The following RRP1B variants were observed in gnomAD, a reference collection of about 807,000 sequenced individuals.
RRP1B encodes ribosomal RNA processing protein 1 homolog B.
Under a neutral mutation model 80.2 loss-of-function variants are expected in RRP1B, and 56 were observed. That is an observed-to-expected ratio of 0.70 (90% CI 0.56 to 0.87). RRP1B has a LOEUF of 0.87. RRP1B is among the 40% of genes least tolerant of loss of function. The probability of loss-of-function intolerance (pLI) is 0.00; values close to 1 mark genes in which losing one functional copy is unlikely to be tolerated. For missense variants in RRP1B, 807 were observed against 939.8 expected (o/e 0.86, Z 1.85); for synonymous variants, 351 against 357.6 (o/e 0.98, Z 0.21).
intron 11 of RRP1B, 36 bp from the exon 12 acceptor site, chr21:43,686,768 C>G (rs905628726): frequency 6.2e-7 from 1 of 1,611,978 alleles, no homozygotes. Context: ...TCTTGAGCGC[C>G]TGGGGAAGCT....
chr21:43,684,377 T>G (rs2083055520), intron 9 of RRP1B, among the ~76,000 whole-genome samples, 176 bp from the exon 10 acceptor site: 1 of 152,152 alleles, frequency 6.6e-6, no homozygotes, highest in African/African-American at 2.4e-5. Flanking sequence ...GGCCTGAACA[T>G]GCATTTTTCA....
chr21:43,687,735 C>T lies in RRP1B; in HGVS notation c.1361C>T (p.Thr454Ile). The T allele has an allele frequency of 6.2e-7, 1 of 1,613,178 alleles. No individual in the cohort carries two copies. The highest frequency in any genetic ancestry group is 8.5e-7 in the Non-Finnish European group (1 of 1,179,970). ...AEPGAEATSS[T>I]GEESGSEHPP... ...CCAGGTGCAGAGGCCACGTCCAGCA[C>T]TGGGGAGGAGAGTGGCTCCGAGCAT... The change falls in exon 13 of 16, where the codon ACT becomes ATT. Residue 454 changes from threonine to isoleucine, a missense_variant. Transcript: ENST00000340648.
intron 1 of RRP1B, among the ~76,000 whole-genome samples, chr21:43,667,059 T>TA (rs2082980915): frequency 6.7e-6 from 1 of 149,568 alleles, no homozygotes; most frequent in African/African-American, 2.6e-5. Flanking sequence ...TTTTGACACT[T>TA]ACTTTTGTAA....
intron 13 of RRP1B, among the ~76,000 whole-genome samples, chr21:43,688,599 A>G (rs901195278): frequency 2.2e-4 from 34 of 152,326 alleles, no homozygotes; most frequent in African/African-American, 6.7e-4. Flanking sequence ...GCGCATGGCC[A>G]GTCCAGGCCC....
rs1377405382 is a variant in RRP1B at position 43,694,869 on chromosome 21, C to T, written c.*1486C>T. On this transcript the variant is annotated 3_prime_UTR_variant, in exon 16 of 16. Transcript: ENST00000340648. ...CCTCGGTCTCATTCATTCATGGAGC[C>T]AAGGGTGGGGTTTCACCTGCGAACA... 2 of 152,204 alleles carry T rather than the reference C, an allele frequency of 1.3e-5. No individual in the cohort carries two copies. The highest frequency in any genetic ancestry group is 2.9e-5 in the Non-Finnish European group (2 of 68,058). The allele number at this position is 152,204 out of a possible 1,614,324, so 9.4% of individuals were successfully genotyped here.
At chr21:43,692,149 A>G (rs2083089542) in intron 15 of RRP1B, among the ~76,000 whole-genome samples, 1 of 152,222 alleles carries the variant, frequency 6.6e-6, no homozygotes, top group South Asian at 2.1e-4. Context: ...TAGAGAGGCC[A>G]TTTGAGATCG....
In RRP1B at chr21:43,690,381, C is replaced by A. The variant is rs2147177853; in HGVS notation, c.1960C>A (p.Leu654Met). 5.0e-6 allele frequency: 8 copies of A among 1,614,244 alleles called. No homozygotes were observed. The highest frequency in any genetic ancestry group is 3.3e-4 in the Middle Eastern group (2 of 6,062). Residue 654 changes from leucine to methionine, a missense_variant, in exon 14 of 16, where the codon CTG (leucine) becomes ATG (methionine). Transcript: ENST00000340648. ...KFDTPFLPKP[L>M]FFRRAKSSTA... is the part of the protein sequence containing the mutation. ...TGACACCCCCTTCTTACCAAAGCCC[C>A]TGTTCTTCAGAAGAGCCAAGAGCAG...
Position 43,688,145 on chromosome 21 carries a change from G to A in RRP1B, c.1771G>A (p.Ala591Thr), listed in dbSNP as rs2083071833. ...ELCGLPSQKT[A>T]SLKKRKKMRV... ...CTGTGGCCTGCCCAGCCAGAAAACAGCAAGTTTGAAAAAGAGGAAGAAAAT... is the reference window on the plus strand; with the variant it reads ...CTGTGGCCTGCCCAGCCAGAAAACAACAAGTTTGAAAAAGAGGAAGAAAAT... The change falls in exon 13 of 16, where the codon GCA becomes ACA. Residue 591 changes from alanine (A) to threonine (T), a missense_variant. Transcript: ENST00000340648. 1.3e-6 allele frequency: 2 copies of A among 1,583,938 alleles called. No homozygotes were observed. Among genetic ancestry groups the A allele is most frequent in the African/African-American group, 2.7e-5 (2 of 74,224 alleles).
At chr21:43,675,468 A>G (rs530020550) in intron 6 of RRP1B, among the ~76,000 whole-genome samples, 1 of 152,350 alleles carries the variant, frequency 6.6e-6, no homozygotes, top group South Asian at 2.1e-4. Context: ...AGGAAAAGCT[A>G]TGCAAATGGT....
At position 43,685,222 on chromosome 21, in the gene RRP1B, A is replaced by T. The variant is rs2083058546; in HGVS notation, c.990-548A>T. Among the ~76,000 whole-genome samples the T allele has an allele frequency of 4.6e-5, 7 of 152,184 alleles. No individual in the cohort carries two copies. The South Asian group carries it at 1.5e-3, about 32-fold the overall frequency. ...AAGTATTCCATGTTAAGCCCCCAGA[A>T]AGTAGCTCCTGTAGTTTTGCCCATT... is the stretch of plus-strand genomic sequence containing the variant. On this transcript the variant is annotated intron_variant, in intron 10 of 15. Coordinates refer to ENST00000340648, the MANE Select transcript of RRP1B (RefSeq NM_015056.3).
At chr21:43,686,628 C>A in intron 11 of RRP1B, 176 bp from the exon 12 acceptor site, 1 of 686,634 alleles carries the variant, frequency 1.5e-6, no homozygotes, top group Non-Finnish European at 2.3e-6. Flanking sequence ...GTTGAGAAAT[C>A]CACAAAGCTT....
Position 43,693,516 on chromosome 21 carries a change from C to G in RRP1B, c.*133C>G. On this transcript the variant is annotated 3_prime_UTR_variant, in exon 16 of 16. Transcript: ENST00000340648. This position sits in a 1 kb window ranked among gnomAD's most constrained non-coding sequence, Gnocchi z 4.1. The stretch of plus-strand genomic sequence containing the variant: ...TGTGTGCACGAGGTTCTGAGAGTGC[C>G]CGCAGGCTGCTGCGTCCTGGCCCCT... 1.1e-6 allele frequency: 1 copy of G among 871,566 alleles called. No homozygotes were observed. Among genetic ancestry groups the G allele is most frequent in the Non-Finnish European group, 1.7e-6 (1 of 603,706 alleles). 54.0% of individuals were successfully genotyped at this position (871,566 alleles called of 1,614,324 possible).
rs763904291 is a variant in RRP1B at position 43,688,132 on chromosome 21, C to T, written c.1758C>T (p.Pro586=). The change falls in exon 13 of 16, where the codon CCC becomes CCT. Residue 586 remains proline, a synonymous_variant. Transcript: ENST00000340648. ...GCAGCCTGGAGCTCTGTGGCCTGCCCAGCCAGAAAACAGCAAGTTTGAAAA... is the reference window on the plus strand; with the variant it reads ...GCAGCCTGGAGCTCTGTGGCCTGCCTAGCCAGAAAACAGCAAGTTTGAAAA... ...GPGSLELCGL[P]SQKTASLKKR... 7 of 1,591,096 alleles carry T rather than the reference C, an allele frequency of 4.4e-6. No homozygotes were observed. Among genetic ancestry groups the T allele is most frequent in the Admixed American group, 1.8e-5 (1 of 55,112 alleles).
intron 1 of RRP1B, among the ~76,000 whole-genome samples, chr21:43,666,609 G>T (rs572468953): frequency 1.3e-5 from 2 of 151,954 alleles, no homozygotes; most frequent in Non-Finnish European, 2.9e-5. Flanking sequence ...TCCCAGCTAC[G>T]TGGGAGGCTG....
At chr21:43,686,723 G>A (rs2083064533) in intron 11 of RRP1B, 81 bp from the exon 12 acceptor site, 2 of 1,515,674 alleles carry the variant, frequency 1.3e-6, no homozygotes, top group African/African-American at 2.8e-5. Context: ...GGCAGAAATT[G>A]GGAGGGGTGC....
chr21:43,671,606 G>C (rs367652255), intron 2 of RRP1B, among the ~76,000 whole-genome samples: 72 of 152,124 alleles, frequency 4.7e-4, no homozygotes, highest in Admixed American at 9.2e-4. Flanking sequence ...GGACTCGAGC[G>C]ATCCACCCGC....
chr21:43,690,529 G>A (rs2147177964), intron 14 of RRP1B, 89 bp downstream of exon 14: 7 of 1,454,520 alleles, frequency 4.8e-6, no homozygotes, highest in African/African-American at 1.4e-5. Flanking sequence ...GCCGGGCCTG[G>A]AGCCCCACTG....
At position 43,688,066 on chromosome 21, in the gene RRP1B, GC is replaced by G. The variant is rs1208042140; in HGVS notation, c.1696del (p.Gln566SerfsTer28). The G allele has an allele frequency of 2.5e-6, 4 of 1,612,482 alleles. No individual in the cohort carries two copies. ...AGGGGGCGAACAGCCACACCACGCT[GC>G]CCCAGCGCAGGAGGCTGCAGAAAAA... Reference protein sequence around the residue: ...AEGANSHTTLPQRRRLQKKKA... With the variant: ...AEGANSHTTLXQRRRLQKKKA... On this transcript the variant is annotated frameshift_variant, in exon 13 of 16. Transcript: ENST00000340648. LOFTEE classifies it high-confidence loss of function.
intron 1 of RRP1B, among the ~76,000 whole-genome samples, chr21:43,668,633 T>C (rs2082987834): frequency 6.6e-6 from 1 of 152,130 alleles, no homozygotes; most frequent in Non-Finnish European, 1.5e-5. Flanking sequence ...CCTCCCAAAG[T>C]GCTGAGATTA....
Sources: allele counts gnomAD v4.1 joint callset (sites outside exome capture counted in the v4.1 genomes callset), GRCh38; gene constraint gnomAD v4.1.1; non-coding constraint Gnocchi (gnomAD v3.1); transcripts MANE v1.5; gene names NCBI Gene and HGNC (gene_info 2026-07-23, HGNC 2026-07-21).